SLC39A12: variants seen among roughly 807,000 people sequenced by gnomAD.
The protein encoded by SLC39A12 is zinc transporter ZIP12.
Under a neutral mutation model 71.1 loss-of-function variants are expected in SLC39A12, and 63 were observed. That is an observed-to-expected ratio of 0.89 (90% CI 0.72 to 1.09). SLC39A12 has a LOEUF of 1.09. Ranked by LOEUF, SLC39A12 falls within the 50% of genes least tolerant of loss-of-function variation. The pLI is 0.00. For synonymous variants in SLC39A12, 351 were observed against 301.3 expected, an observed-to-expected ratio of 1.16 and a Z score of -1.71; for missense variants, 892 against 812.6, an observed-to-expected ratio of 1.10 and a Z score of -1.19.
intron 4 of SLC39A12, among the ~76,000 whole-genome samples, chr10:17,967,941 G>A (rs1834875734): frequency 6.7e-6 from 1 of 149,438 alleles, no homozygotes; most frequent in African/African-American, 2.5e-5. Flanking sequence ...TTCCCTCACA[G>A]AGATTGTAGG....
chr10:17,975,324 C>G (rs927215695), intron 4 of SLC39A12, among the ~76,000 whole-genome samples: 2 of 152,198 alleles, frequency 1.3e-5, no homozygotes, highest in Non-Finnish European at 2.9e-5. Context: ...AGGACCTTGA[C>G]ATAGTACTTG....
intron 12 of SLC39A12, among the ~76,000 whole-genome samples, chr10:18,042,107 A>G (rs951042083): frequency 6.6e-6 from 1 of 152,008 alleles, no homozygotes; most frequent in Non-Finnish European, 1.5e-5. Flanking sequence ...TTGATGCATT[A>G]TTTACTTCAC....
intron 9 of SLC39A12, among the ~76,000 whole-genome samples, chr10:17,994,505 C>CT (rs1266940706): frequency 1.3e-5 from 2 of 151,988 alleles, no homozygotes; most frequent in Non-Finnish European, 2.9e-5. Context: ...CAATAAATAG[C>CT]TTTTTTTGAA....
intron 12 of SLC39A12, among the ~76,000 whole-genome samples, chr10:18,038,608 T>G (rs924226203): frequency 6.6e-6 from 1 of 151,960 alleles, no homozygotes; most frequent in Admixed American, 6.6e-5. Flanking sequence ...GCTGAGATCA[T>G]GCCACTGCAC....
intron 4 of SLC39A12, among the ~76,000 whole-genome samples, chr10:17,977,051 C>T (rs1166495341): frequency 1.2e-4 from 18 of 151,626 alleles, no homozygotes; most frequent in African/African-American, 3.9e-4. Flanking sequence ...TGATTTTTTT[C>T]TTCTGCCCTC....
At chr10:17,972,764 A>G (rs990684589) in intron 4 of SLC39A12, among the ~76,000 whole-genome samples, 3 of 151,238 alleles carry the variant, frequency 2.0e-5, no homozygotes, top group Non-Finnish European at 4.4e-5. Context: ...CAATAGATCA[A>G]TGGTCTTATT....
At chr10:17,991,816 C>T (rs1835555364) in intron 8 of SLC39A12, among the ~76,000 whole-genome samples, 1 of 152,120 alleles carries the variant, frequency 6.6e-6, no homozygotes, top group African/African-American at 2.4e-5. Flanking sequence ...GGGCCGGGCG[C>T]TGTGGCTCAT....
Position 17,953,364 on chromosome 10 carries a change from T to A in SLC39A12, c.88T>A (p.Ser30Thr). The part of the protein sequence containing the change: ...RVFSTETDKP[S>T]AQDSRSRGSS... ...TTTTTCTACTGAGACAGACAAACCC[T>A]CAGCCCAGGATAGCAGAAGCCGTGG... The change falls in exon 2 of 13, where the codon TCA becomes ACA. Residue 30 changes from serine to threonine, a missense_variant. Transcript: ENST00000377369. 6.2e-7 allele frequency: 1 copy of A among 1,614,096 alleles called. No homozygotes were observed. Among genetic ancestry groups the A allele is most frequent in the Non-Finnish European group, 8.5e-7 (1 of 1,180,020 alleles).
intron 12 of SLC39A12, among the ~76,000 whole-genome samples, chr10:18,031,039 G>T (rs1406229352): frequency 6.6e-6 from 1 of 150,750 alleles, no homozygotes; most frequent in East Asian, 1.9e-4. Flanking sequence ...TCTTAATCCA[G>T]TCTGTCATTG....
At chr10:17,965,946 C>A (rs534067044) in intron 4 of SLC39A12, among the ~76,000 whole-genome samples, 5 of 152,232 alleles carry the variant, frequency 3.3e-5, no homozygotes, top group African/African-American at 9.6e-5. Context: ...AGGGAGGAGG[C>A]GATTTTATGA....
chr10:18,000,709 A>C lies in SLC39A12; in HGVS notation c.1643A>C (p.Asp548Ala). The C allele has an allele frequency of 1.2e-6, 2 of 1,614,166 alleles. No individual in the cohort carries two copies. The highest frequency in any genetic ancestry group is 1.7e-6 in the Non-Finnish European group (2 of 1,180,030). ...TTAGCAATCATGATTCTGGTTGGGG[A>C]CAGCCTGCATAATTTTGCAGATGGC... Reference protein sequence around the residue: ...SLLAIMILVGDSLHNFADGLA... With the variant: ...SLLAIMILVGASLHNFADGLA... Residue 548 changes from aspartate to alanine, a missense_variant, in exon 11 of 13, where the codon GAC (aspartate) becomes GCC (alanine). By Grantham distance (126) the Asp-to-Ala change is moderately radical (BLOSUM62 -2). Coordinates refer to ENST00000377369, the MANE Select transcript of SLC39A12 (RefSeq NM_001145195.2).
chr10:18,007,460 C>A (rs1335417171), intron 12 of SLC39A12, among the ~76,000 whole-genome samples: 1 of 152,110 alleles, frequency 6.6e-6, no homozygotes, highest in Admixed American at 6.5e-5. Context: ...GGAAAGGAGT[C>A]CTAATCCAGA....
chr10:18,034,175 T>C (rs1435617197), intron 12 of SLC39A12, among the ~76,000 whole-genome samples: 4 of 152,246 alleles, frequency 2.6e-5, no homozygotes, highest in African/African-American at 9.6e-5. Context: ...GTCCACTTGG[T>C]GCAGAGCTGA....
chr10:17,985,056 G>T (rs986095655), intron 6 of SLC39A12, among the ~76,000 whole-genome samples: 4 of 152,130 alleles, frequency 2.6e-5, no homozygotes, highest in South Asian at 2.1e-4. Flanking sequence ...TTATTAAAAT[G>T]ATCTAGTCTG....
At chr10:18,035,553 AT>A (rs1195364223) in intron 12 of SLC39A12, among the ~76,000 whole-genome samples, 2 of 151,052 alleles carry the variant, frequency 1.3e-5, no homozygotes, top group Non-Finnish European at 2.9e-5. Context: ...ATTCTTCTAA[AT>A]TTTTTTCAAA....
In SLC39A12 at chr10:17,978,071, T is replaced by A. The variant is rs755446505; in HGVS notation, c.921T>A (p.Asp307Glu). The A allele has an allele frequency of 1.3e-6, 2 of 1,574,940 alleles. No homozygotes were observed. Among genetic ancestry groups the A allele is most frequent in the African/African-American group, 2.8e-5 (2 of 72,658 alleles). The change falls in exon 5 of 13, where the codon GAT (aspartate) becomes GAA (glutamate). Residue 307 changes from aspartate to glutamate, a missense_variant. By Grantham distance (45) the Asp-to-Glu change is conservative. Transcript: ENST00000377369. ...KESEDGPVSW[D>E]QTCFSARQLV... is the part of the protein sequence containing the mutation. Reference sequence around the variant, plus strand: ...CTGAGGATGGTCCAGTTTCCTGGGATCAGGTATTGCCATTGTTTCTCTTAT... The same window carrying A: ...CTGAGGATGGTCCAGTTTCCTGGGAACAGGTATTGCCATTGTTTCTCTTAT...
At chr10:17,997,235 A>T (rs1026943264) in intron 10 of SLC39A12, among the ~76,000 whole-genome samples, 2 of 152,200 alleles carry the variant, frequency 1.3e-5, no homozygotes, top group African/African-American at 4.8e-5. Flanking sequence ...AGAATAAAAT[A>T]AGCATGGTCT....
Position 17,981,596 on chromosome 10 carries a change from T to C in SLC39A12, c.1096+113T>C, listed in dbSNP as rs1269021916. 7.3e-6 allele frequency: 6 copies of C among 822,594 alleles called. No homozygotes were observed. The East Asian group carries it at 1.4e-4, about 19-fold the overall frequency. 51.0% of individuals were successfully genotyped at this position (822,594 alleles called of 1,614,324 possible). A position where few individuals can be genotyped will look rare whatever the true frequency, so the allele number is the denominator to read the frequency against. ...CTCTGTTGTAAACATTTTACATTTA[T>C]CAGCTCATTTAATCCTCCTAACAAT... On this transcript the variant is annotated intron_variant, in intron 6 of 12. Coordinates refer to ENST00000377369, the MANE Select transcript of SLC39A12 (RefSeq NM_001145195.2).
At position 17,995,738 on chromosome 10, in the gene SLC39A12, A is replaced by G; in HGVS notation, c.1600+16A>G. 6.2e-7 allele frequency: 1 copy of G among 1,605,636 alleles called. No homozygotes were observed. Among genetic ancestry groups the G allele is most frequent in the Non-Finnish European group, 8.5e-7 (1 of 1,176,302 alleles). Reference sequence around the variant, plus strand: ...AACAGAAAATGTGAGTACCAAGCTAAACTTTACATGTGGAAAGTGCCATAG... The same window carrying G: ...AACAGAAAATGTGAGTACCAAGCTAGACTTTACATGTGGAAAGTGCCATAG... On this transcript the variant is annotated intron_variant, in intron 10 of 12. Coordinates refer to ENST00000377369, the MANE Select transcript of SLC39A12 (RefSeq NM_001145195.2).
Sources: gnomAD v4.1 joint callset for allele counts (sites outside exome capture counted in the v4.1 genomes callset) on GRCh38, gnomAD v4.1.1 for gene constraint, MANE v1.5 for transcripts, NCBI Gene and HGNC (gene_info 2026-07-23, HGNC 2026-07-21) for gene names.